NKAIN3: variants seen among roughly 807,000 people sequenced by gnomAD.
The protein encoded by NKAIN3 is sodium/potassium-transporting ATPase subunit beta-1-interacting protein 3.
A neutral mutation model predicts 30.2 loss-of-function variants in NKAIN3; 25 were observed. The ratio of observed to expected loss-of-function variants is 0.83; its 90% CI spans 0.60 to 1.16. The LOEUF (loss-of-function observed/expected upper bound fraction) is 1.16, where lower values mean the gene tolerates loss of function less well. Ranked by LOEUF, NKAIN3 falls within the 50% of genes most tolerant of loss-of-function variation. The probability of loss-of-function intolerance (pLI) is 0.00; values close to 1 mark genes in which losing one functional copy is unlikely to be tolerated. For synonymous variants in NKAIN3, 91 were observed against 89.6 expected (o/e 1.02, Z -0.09); for missense variants, 225 against 254.1 (o/e 0.89, Z 0.78).
Position 62,806,959 on chromosome 8 carries a change from G to A in NKAIN3, c.471+59830G>A, listed in dbSNP as rs551238974. ...CACAGAGGATAGTGCGTGATGAAAC[G>A]TAGTGATGAACAACATGGTCCACTG... is the stretch of plus-strand genomic sequence containing the variant. On this transcript the variant is annotated intron_variant, in intron 4 of 6. Coordinates refer to ENST00000623646, the MANE Select transcript of NKAIN3 (RefSeq NM_001304533.3). 1.4e-3 allele frequency among the ~76,000 whole-genome samples: 213 copies of A among 152,134 alleles called. 3 individuals are homozygous for A. Among genetic ancestry groups the A allele is most frequent in the Admixed American group, 0.013 (194 of 15,260 alleles).
chr8:62,687,390 C>T (rs962296558), intron 3 of NKAIN3, among the ~76,000 whole-genome samples: 1 of 152,152 alleles, frequency 6.6e-6, no homozygotes, highest in Non-Finnish European at 1.5e-5. Context: ...GCGTTGTGTC[C>T]AAGTTTGGGA....
chr8:62,660,529 T>C (rs1871591), intron 3 of NKAIN3, among the ~76,000 whole-genome samples: 19,757 of 151,984 alleles, frequency 0.13, 1,442 homozygotes, highest in East Asian at 0.32. Context: ...GAAAACTTCA[T>C]TGTATAAGAA....
At chr8:62,570,155 G>T (rs1204551436) in intron 1 of NKAIN3, among the ~76,000 whole-genome samples, 2 of 152,016 alleles carry the variant, frequency 1.3e-5, no homozygotes, top group Non-Finnish European at 2.9e-5. Flanking sequence ...AATCTCCAGG[G>T]GTACTCACTC....
At chr8:62,451,091 A>G (rs1014815795) in intron 1 of NKAIN3, among the ~76,000 whole-genome samples, 1 of 151,990 alleles carries the variant, frequency 6.6e-6, no homozygotes, top group Non-Finnish European at 1.5e-5. Context: ...ATCAGTTTGG[A>G]TCACATTTCT....
chr8:62,555,624 A>C (rs1490109234), intron 1 of NKAIN3, among the ~76,000 whole-genome samples: 3 of 152,086 alleles, frequency 2.0e-5, no homozygotes, highest in Admixed American at 6.6e-5. Context: ...TTTAGTAGGA[A>C]AAAAAGACAG....
intron 1 of NKAIN3, among the ~76,000 whole-genome samples, chr8:62,405,564 T>C (rs995012817): frequency 6.6e-6 from 1 of 152,138 alleles, no homozygotes; most frequent in African/African-American, 2.4e-5. Context: ...CAATTCAGAG[T>C]CCCATAATCA....
chr8:62,678,160 T>C (rs1020972264), intron 3 of NKAIN3, among the ~76,000 whole-genome samples: 6 of 152,216 alleles, frequency 3.9e-5, no homozygotes, highest in African/African-American at 1.4e-4. Context: ...GACCCTAAAA[T>C]AGGCAGATAG....
chr8:62,685,013 G>T (rs138509699), intron 3 of NKAIN3, among the ~76,000 whole-genome samples: 171 of 152,206 alleles, frequency 1.1e-3, no homozygotes, highest in African/African-American at 3.9e-3. Context: ...TAAGAGACTC[G>T]CATAGTCAGG....
chr8:62,666,080 G>A (rs750267023), intron 3 of NKAIN3, among the ~76,000 whole-genome samples: 1 of 152,044 alleles, frequency 6.6e-6, no homozygotes, highest in Non-Finnish European at 1.5e-5. Flanking sequence ...TGGGCGTGGT[G>A]GTGGGCGCCT....
chr8:62,935,963 G>T (rs1206538909), intron 5 of NKAIN3, among the ~76,000 whole-genome samples: 1 of 152,086 alleles, frequency 6.6e-6, no homozygotes, highest in African/African-American at 2.4e-5. Flanking sequence ...CATTTTAATA[G>T]CTGCAAAATT....
At chr8:62,355,983 T>A (rs1816340156) in intron 1 of NKAIN3, among the ~76,000 whole-genome samples, 1 of 152,170 alleles carries the variant, frequency 6.6e-6, no homozygotes, top group Non-Finnish European at 1.5e-5. Context: ...AAGACAATAT[T>A]TAAAAACCTT....
intron 3 of NKAIN3, among the ~76,000 whole-genome samples, chr8:62,737,960 G>A (rs1416195231): frequency 6.6e-6 from 1 of 152,112 alleles, no homozygotes; most frequent in Non-Finnish European, 1.5e-5. Context: ...ATTGTGAATA[G>A]TGCTGCAATA....
At chr8:62,798,684 C>T (rs2130687806) in intron 4 of NKAIN3, among the ~76,000 whole-genome samples, 1 of 152,172 alleles carries the variant, frequency 6.6e-6, no homozygotes. Flanking sequence ...CCCTTTTCAC[C>T]TTGATCTCAG....
At chr8:62,675,277 C>T (rs992416565) in intron 3 of NKAIN3, among the ~76,000 whole-genome samples, 1 of 152,150 alleles carries the variant, frequency 6.6e-6, no homozygotes, top group Non-Finnish European at 1.5e-5. Context: ...AATTACATTG[C>T]CAAATATCAC....
intron 4 of NKAIN3, among the ~76,000 whole-genome samples, chr8:62,780,405 A>G (rs375553241): frequency 1.1e-4 from 17 of 152,116 alleles, no homozygotes; most frequent in African/African-American, 4.1e-4. Context: ...CTAAAAATTA[A>G]AGAGGAGGGA....
intron 1 of NKAIN3, among the ~76,000 whole-genome samples, chr8:62,295,730 CATAAA>C (rs200393629): frequency 0.017 from 2,526 of 152,204 alleles, 62 homozygotes; most frequent in African/African-American, 0.055. Context: ...ATCTGCTAAA[CATAAA>C]ATAAAATTTC....
chr8:62,442,664 A>G (rs190586702), intron 1 of NKAIN3, among the ~76,000 whole-genome samples: 19 of 151,048 alleles, frequency 1.3e-4, no homozygotes, highest in African/African-American at 3.4e-4. Flanking sequence ...GTTTTTTATA[A>G]TATCTAACTT....
intron 4 of NKAIN3, among the ~76,000 whole-genome samples, chr8:62,877,235 TG>T (rs1368751947): frequency 6.6e-6 from 1 of 152,120 alleles, no homozygotes; most frequent in Non-Finnish European, 1.5e-5. Context: ...GGACTAGTAG[TG>T]AAAAAAATAC....
chr8:62,335,281 C>A (rs1341097425), intron 1 of NKAIN3, among the ~76,000 whole-genome samples: 2 of 151,572 alleles, frequency 1.3e-5, no homozygotes, highest in African/African-American at 4.8e-5. Flanking sequence ...CAAAAATTAG[C>A]TGGGTGTGGT....
Sources: allele counts gnomAD v4.1 joint callset (sites outside exome capture counted in the v4.1 genomes callset), GRCh38; gene constraint gnomAD v4.1.1; transcripts MANE v1.5; gene names NCBI Gene and HGNC (gene_info 2026-07-23, HGNC 2026-07-21).